Variants in MSH5 observed in about 807,000 individuals in gnomAD.
The protein encoded by MSH5 is mutS protein homolog 5.
Under a neutral mutation model 107.7 loss-of-function variants are expected in MSH5, and 78 were observed. That is an observed-to-expected ratio of 0.72 (90% CI 0.60 to 0.87). MSH5 has a LOEUF of 0.87. Among genes scored for constraint, MSH5 ranks in the 40% least tolerant of loss-of-function variants. The pLI is 0.00. For missense variants in MSH5, 889 were observed against 1,046.6 expected, an observed-to-expected ratio of 0.85 and a Z score of 2.08; for synonymous variants, 326 against 399.5, an observed-to-expected ratio of 0.82 and a Z score of 2.19.
rs778806338 is a variant in MSH5, at chr6:31,762,573, G to A, written c.*42G>A. The A allele has an allele frequency of 7.9e-7, 1 of 1,270,054 alleles. No homozygotes were observed. The highest frequency in any genetic ancestry group is 1.1e-6 in the Non-Finnish European group (1 of 871,158). The allele number at this position is 1,270,054 out of a possible 1,614,324, so 78.7% of individuals were successfully genotyped here. ...CTCCCCAGCCTCCTGAGACTCCGGT[G>A]GGCTGCCATGCCCTCTTTGTTTCCT... On this transcript the variant is annotated 3_prime_UTR_variant, in exon 25 of 25. Coordinates refer to ENST00000375750, the MANE Select transcript of MSH5 (RefSeq NM_172166.4).
chr6:31,758,128 G>A lies in MSH5; in HGVS notation c.1015-37G>A. On this transcript the variant is annotated intron_variant, in intron 12 of 24. Transcript: ENST00000375750. The surrounding 1 kb of genome is among the most constrained non-coding windows in gnomAD (Gnocchi z 5.1). ...CCTATCACCACCTCAACCCGAGCTG[G>A]ATGTGGCCTGTCCTCCTTTTTGTGT... is the stretch of plus-strand genomic sequence containing the variant. 6.2e-7 allele frequency: 1 copy of A among 1,612,288 alleles called. No individual in the cohort carries two copies. The highest frequency in any genetic ancestry group is 8.5e-7 in the Non-Finnish European group (1 of 1,179,572).
rs28399974 is a variant in MSH5 at position 31,757,634 on chromosome 6, A to G, written c.1015-531A>G. ...TGCATGTATTTCTGTCTTCCTTCCT[A>G]GACTGTGAGCACATCTGGGACAGGG... On this transcript the variant is annotated intron_variant, in intron 12 of 24. Coordinates refer to ENST00000375750, the MANE Select transcript of MSH5 (RefSeq NM_172166.4). The G allele has an allele frequency of 5.9e-3, 923 of 156,026 alleles. 9 individuals carry two copies. The highest frequency in any genetic ancestry group is 0.019 in the African/African-American group (807 of 41,586). The allele number at this position is 156,026 out of a possible 1,614,324, so 9.7% of individuals were successfully genotyped here. A position where few individuals can be genotyped will look rare whatever the true frequency, so the allele number is the denominator to read the frequency against.
chr6:31,754,530 T>G (rs773286379), intron 12 of MSH5, among the ~76,000 whole-genome samples: 14 of 152,246 alleles, frequency 9.2e-5, no homozygotes, highest in Admixed American at 2.6e-4. Context: ...TTTGTTTTTT[T>G]AAATAAGGTC....
Position 31,760,878 on chromosome 6 carries a change from A to G in MSH5, c.1962+39A>G, listed in dbSNP as rs1193926608. On this transcript the variant is annotated intron_variant, in intron 20 of 24. Coordinates refer to ENST00000375750, the MANE Select transcript of MSH5 (RefSeq NM_172166.4). This position sits in a 1 kb window ranked among gnomAD's most constrained non-coding sequence, Gnocchi z 5.6. ...AAGGGAGGTGGGATTGAGGAAGGGG[A>G]TAATGGGAAAGGAACCCCTGAAAAT... 1 of 1,593,964 alleles carries G rather than the reference A, an allele frequency of 6.3e-7. No individual in the cohort carries two copies. Among genetic ancestry groups the G allele is most frequent in the Non-Finnish European group, 8.6e-7 (1 of 1,168,174 alleles).
At chr6:31,747,467 A>T (rs1406623203) in intron 10 of MSH5, 35 bp downstream of exon 10, 1 of 1,605,034 alleles carries the variant, frequency 6.2e-7, no homozygotes, top group Admixed American at 1.7e-5. Context: ...ACACTAATGC[A>T]TGAATTCCAT....
chr6:31,758,552 A>G lies in MSH5; in HGVS notation c.1148A>G (p.Asp383Gly). The change falls in exon 14 of 25, where the codon GAC (aspartate) becomes GGC (glycine). Residue 383 changes from aspartate to glycine, a missense_variant. Physicochemically the swap from Asp to Gly is moderately conservative, Grantham distance 94 (BLOSUM62 -1). Coordinates refer to ENST00000375750, the MANE Select transcript of MSH5 (RefSeq NM_172166.4). This position sits in a 1 kb window ranked among gnomAD's most constrained non-coding sequence, Gnocchi z 5.1. ...HIASLIGKVVDFEGSLAENRF... is the reference protein window; with the variant it reads ...HIASLIGKVVGFEGSLAENRF... Reference sequence around the variant, plus strand: ...AAACAGTACTTATCTCCTCAGGTGGACTTTGAGGGCAGCCTTGCTGAAAAT... The same window carrying G: ...AAACAGTACTTATCTCCTCAGGTGGGCTTTGAGGGCAGCCTTGCTGAAAAT... 6.2e-7 allele frequency: 1 copy of G among 1,613,366 alleles called. No individual in the cohort carries two copies. The highest frequency in any genetic ancestry group is 8.5e-7 in the Non-Finnish European group (1 of 1,180,006).
Position 31,762,584 on chromosome 6 carries a change from C to A in MSH5, c.*53C>A. ...CCTGAGACTCCGGTGGGCTGCCATG[C>A]CCTCTTTGTTTCCTTATCTCCCTCA... On this transcript the variant is annotated 3_prime_UTR_variant, in exon 25 of 25. Coordinates refer to ENST00000375750, the MANE Select transcript of MSH5 (RefSeq NM_172166.4). 1 of 1,162,010 alleles carries A rather than the reference C, an allele frequency of 8.6e-7. No homozygotes were observed. The highest frequency in any genetic ancestry group is 1.3e-6 in the Non-Finnish European group (1 of 783,624). The allele number at this position is 1,162,010 out of a possible 1,614,324, so 72.0% of individuals were successfully genotyped here.
intron 9 of MSH5, among the ~76,000 whole-genome samples, chr6:31,746,527 C>T (rs890153869): frequency 6.6e-6 from 1 of 152,046 alleles, no homozygotes; most frequent in Non-Finnish European, 1.5e-5. Flanking sequence ...CAACCTCCGC[C>T]TCTTGGGTTC....
Position 31,740,340 on chromosome 6 carries a change from G to GCC in MSH5, c.-13-111_-13-110dup. On this transcript the variant is annotated intron_variant, in intron 1 of 24. Coordinates refer to ENST00000375750, the MANE Select transcript of MSH5 (RefSeq NM_172166.4). The surrounding 1 kb of genome is among the most constrained non-coding windows in gnomAD (Gnocchi z 4.4). ...ACAGCTCTCCACGCCCCTCAGCCCT[G>GCC]CCCCGCAGCCCTGTAGCAGAAGTAC... 8.7e-7 allele frequency: 1 copy of GCC among 1,148,226 alleles called. No homozygotes were observed. The highest frequency in any genetic ancestry group is 1.2e-6 in the Non-Finnish European group (1 of 826,688). The allele number at this position is 1,148,226 out of a possible 1,614,324, so 71.1% of individuals were successfully genotyped here. A position where few individuals can be genotyped will look rare whatever the true frequency, so the allele number is the denominator to read the frequency against.
chr6:31,744,523 G>A, intron 7 of MSH5, 23 bp from the exon 8 acceptor site: 2 of 1,613,496 alleles, frequency 1.2e-6, no homozygotes, highest in Non-Finnish European at 1.7e-6. Flanking sequence ...ACTGCTTCCT[G>A]CTTTTTTGTT....
In MSH5 at chr6:31,761,902, C is replaced by T; in HGVS notation, c.2266C>T (p.His756Tyr). The stretch of plus-strand genomic sequence containing the variant: ...TGTTGCGAAGGCCAGCCATGCCTCC[C>T]ACACAGCTGCCCAGGCTGGGCTTCC... ...EGVAKASHAS[H>Y]TAAQAGLPDK... The change falls in exon 23 of 25, where the codon CAC (histidine) becomes TAC (tyrosine). Residue 756 changes from histidine (H) to tyrosine (Y), a missense_variant. Coordinates refer to ENST00000375750, the MANE Select transcript of MSH5 (RefSeq NM_172166.4). The surrounding 1 kb of genome is among the most constrained non-coding windows in gnomAD (Gnocchi z 5.3). 2 of 1,613,660 alleles carry T rather than the reference C, an allele frequency of 1.2e-6. No individual in the cohort carries two copies. The highest frequency in any genetic ancestry group is 1.7e-6 in the Non-Finnish European group (2 of 1,180,030).
At position 31,740,960 on chromosome 6, in the gene MSH5, CAAAG is replaced by C. The variant is rs1020080428; in HGVS notation, c.148-191_148-188del. ...TGGGCGACAGAGCAAGACTCCGTCTCAAAGAAAGAAAGAAAAAAAAAACAGGGTT... is the reference window on the plus strand; with the variant it reads ...TGGGCGACAGAGCAAGACTCCGTCTCAAAGAAAGAAAAAAAAAACAGGGTT... On this transcript the variant is annotated intron_variant, in intron 2 of 24. Transcript: ENST00000375750. The surrounding 1 kb of genome is among the most constrained non-coding windows in gnomAD (Gnocchi z 4.4). Among the ~76,000 whole-genome samples, 1 of 149,304 alleles carries C rather than the reference CAAAG, an allele frequency of 6.7e-6. No individual in the cohort carries two copies. The highest frequency in any genetic ancestry group is 1.5e-5 in the Non-Finnish European group (1 of 67,476).
At position 31,758,923 on chromosome 6, in the gene MSH5, A is replaced by C. The variant is rs369723349; in HGVS notation, c.1326+48A>C. 6.5e-6 allele frequency: 10 copies of C among 1,533,180 alleles called. No individual in the cohort carries two copies. The highest frequency in any genetic ancestry group is 9.0e-6 in the Non-Finnish European group (10 of 1,107,274). The allele number at this position is 1,533,180 out of a possible 1,614,324, so 95.0% of individuals were successfully genotyped here. A position where few individuals can be genotyped will look rare whatever the true frequency, so the allele number is the denominator to read the frequency against. On this transcript the variant is annotated intron_variant, in intron 15 of 24. Coordinates refer to ENST00000375750, the MANE Select transcript of MSH5 (RefSeq NM_172166.4). The surrounding 1 kb of genome is among the most constrained non-coding windows in gnomAD (Gnocchi z 5.1). ...AGCCTTCAGATGTCTTTTGGGGGAG[A>C]TATTAGGCTTATGAAAGACATACTG...
chr6:31,740,187 C>T lies in MSH5; in HGVS notation c.-14+125C>T, dbSNP rs17207454. 345 of 370,114 alleles carry T rather than the reference C, an allele frequency of 9.3e-4. No individual in the cohort carries two copies. The highest frequency in any genetic ancestry group is 1.6e-3 in the Non-Finnish European group (319 of 204,040). 22.9% of individuals were successfully genotyped at this position (370,114 alleles called of 1,614,324 possible). On this transcript the variant is annotated intron_variant, in intron 1 of 24. Coordinates refer to ENST00000375750, the MANE Select transcript of MSH5 (RefSeq NM_172166.4). This position sits in a 1 kb window ranked among gnomAD's most constrained non-coding sequence, Gnocchi z 4.4. The stretch of plus-strand genomic sequence containing the variant: ...GAGACATAAGACGTGCACGACTCGC[C>T]CCACAGGGCCCTCAGACCCCTTCCT...
intron 3 of MSH5, among the ~76,000 whole-genome samples, chr6:31,741,491 G>C (rs1347272468): frequency 6.6e-6 from 1 of 152,004 alleles, no homozygotes; most frequent in Non-Finnish European, 1.5e-5. Context: ...CAATTCTCCT[G>C]ACTCAACCTC....
Position 31,740,538 on chromosome 6 carries a change from C to T in MSH5, c.72C>T (p.Phe24=). The part of the protein sequence containing the change: ...GPRPGAASSG[F]PSPAPVPGPR... ...GACCTGGGGCGGCCTCCTCCGGCTT[C>T]CCCAGCCCGGCCCCAGTGCCGGGCC... The change falls in exon 2 of 25, where the codon TTC becomes TTT. Residue 24 remains phenylalanine (F), a synonymous_variant. Transcript: ENST00000375750. The surrounding 1 kb of genome is among the most constrained non-coding windows in gnomAD (Gnocchi z 4.4). The T allele has an allele frequency of 1.3e-6, 2 of 1,538,618 alleles. No homozygotes were observed. Among genetic ancestry groups the T allele is most frequent in the Non-Finnish European group, 1.8e-6 (2 of 1,142,280 alleles).
chr6:31,744,361 G>A lies in MSH5; in HGVS notation c.647+62G>A, dbSNP rs183362506. ...GGGATTGGGAGGCCTGAAAAGTAAA[G>A]TGGGGGTGGGGTGTGGATGTGGCTG... On this transcript the variant is annotated intron_variant, in intron 7 of 24. Transcript: ENST00000375750. The A allele has an allele frequency of 7.5e-6, 12 of 1,606,324 alleles. No homozygotes were observed. The East Asian group carries it at 2.2e-4, about 30-fold the overall frequency.
chr6:31,747,374 TTA>T lies in MSH5; in HGVS notation c.767-11_767-10del. 1 of 1,612,972 alleles carries T rather than the reference TTA, an allele frequency of 6.2e-7. No homozygotes were observed. Among genetic ancestry groups the T allele is most frequent in the South Asian group, 1.1e-5 (1 of 91,038 alleles). ...CCTTGTAACAAGTTCACTCCCTGCCTTATCCCTCACAGGAATCCTCAACAGAT... is the reference window on the plus strand; with the variant it reads ...CCTTGTAACAAGTTCACTCCCTGCCTTCCCTCACAGGAATCCTCAACAGAT... On this transcript the variant is annotated splice_polypyrimidine_tract_variant and intron_variant, in intron 9 of 24. Transcript: ENST00000375750.
At chr6:31,751,091 C>T (rs1809912425) in intron 10 of MSH5, among the ~76,000 whole-genome samples, 1 of 152,112 alleles carries the variant, frequency 6.6e-6, no homozygotes, top group Non-Finnish European at 1.5e-5. Flanking sequence ...CTCCACCTCC[C>T]GGGTTTACAC....
Sources: allele counts gnomAD v4.1 joint callset (sites outside exome capture counted in the v4.1 genomes callset), GRCh38; gene constraint gnomAD v4.1.1; non-coding constraint Gnocchi (gnomAD v3.1); transcripts MANE v1.5; gene names NCBI Gene and HGNC (gene_info 2026-07-23, HGNC 2026-07-21).